GSK3B: variants seen among roughly 807,000 people sequenced by gnomAD.
GSK3B encodes glycogen synthase kinase 3 beta.
GSK3B carries 15 observed loss-of-function variants against 56.4 expected under a neutral mutation model. The observed-to-expected ratio is 0.27, with a 90% CI of 0.18 to 0.41. The LOEUF is 0.41. Ranked by LOEUF, GSK3B falls within the 10% of genes least tolerant of loss-of-function variation. The probability of loss-of-function intolerance (pLI) is 1.00; values close to 1 mark genes in which losing one functional copy is unlikely to be tolerated. For missense variants in GSK3B, 300 were observed against 513.4 expected (o/e 0.58, Z 4.02); for synonymous variants, 181 against 188.9 (o/e 0.96, Z 0.34).
intron 2 of GSK3B, among the ~76,000 whole-genome samples, chr3:119,961,925 A>ATT: frequency 6.6e-6 from 1 of 152,360 alleles, no homozygotes; most frequent in South Asian, 2.1e-4. Context: ...GCAGGCCAAC[A>ATT]TAGGTGTTCT....
Position 119,825,346 on chromosome 3 carries a change from T to A in GSK3B, c.*1442A>T, listed in dbSNP as rs1207461706. The A allele has an allele frequency of 4.3e-6, 1 of 230,442 alleles. No individual in the cohort carries two copies. Among genetic ancestry groups the A allele is most frequent in the African/African-American group, 2.2e-5 (1 of 45,196 alleles). 14.3% of individuals were successfully genotyped at this position (230,442 alleles called of 1,614,324 possible). ...TTGCTTTCCAAGGAATATTGCTTTT[T>A]CTTCAAAAAGAGAGACTGATTCTTA... On this transcript the variant is annotated 3_prime_UTR_variant, in exon 11 of 11. Transcript: ENST00000264235.
intron 1 of GSK3B, among the ~76,000 whole-genome samples, chr3:120,042,091 C>T (rs938658929): frequency 3.3e-5 from 5 of 152,138 alleles, no homozygotes; most frequent in African/African-American, 1.2e-4. Context: ...CAGAGAAAAT[C>T]GCTATTGTCT....
At chr3:120,020,463 C>T (rs904517493) in intron 1 of GSK3B, among the ~76,000 whole-genome samples, 7 of 152,126 alleles carry the variant, frequency 4.6e-5, no homozygotes, top group Non-Finnish European at 1.0e-4. Context: ...GTCTCTGTGT[C>T]ACATTTTGGT....
rs550231765 is a variant in GSK3B at position 119,971,906 on chromosome 3, C to T, written c.283-24555G>A. Among the ~76,000 whole-genome samples the T allele has an allele frequency of 6.6e-5, 10 of 152,110 alleles. No individual in the cohort carries two copies. The South Asian group carries it at 8.3e-4, about 13-fold the overall frequency. The stretch of plus-strand genomic sequence containing the variant: ...GATTACAGGCGTGAGCCACCGCGCC[C>T]GGCCTGCAATAAAATTTTTATAAGG... On this transcript the variant is annotated intron_variant, in intron 2 of 10. Transcript: ENST00000264235.
In GSK3B at chr3:119,826,337, T is replaced by A. The variant is rs1190843140; in HGVS notation, c.*451A>T. The A allele has an allele frequency of 9.0e-6, 3 of 332,346 alleles. No homozygotes were observed. The highest frequency in any genetic ancestry group is 1.7e-5 in the Non-Finnish European group (3 of 177,884). 20.6% of individuals were successfully genotyped at this position (332,346 alleles called of 1,614,324 possible). On this transcript the variant is annotated 3_prime_UTR_variant, in exon 11 of 11. Coordinates refer to ENST00000264235, the MANE Select transcript of GSK3B (RefSeq NM_001146156.2). ...TTATACCTGCTAAGCTCCCAACCAA[T>A]TTCAAGCTGTGCACTATACCAAAGT... is the stretch of plus-strand genomic sequence containing the variant.
At chr3:120,037,472 T>G (rs1476002965) in intron 1 of GSK3B, among the ~76,000 whole-genome samples, 1 of 152,112 alleles carries the variant, frequency 6.6e-6, no homozygotes, top group Non-Finnish European at 1.5e-5. Context: ...ATTGGAGAGA[T>G]AACTCAAAAT....
intron 10 of GSK3B, among the ~76,000 whole-genome samples, chr3:119,835,518 C>T (rs2055677056): frequency 6.6e-6 from 1 of 151,978 alleles, no homozygotes; most frequent in South Asian, 2.1e-4. Flanking sequence ...TAGCCTAAGC[C>T]CATTTTTTAA....
intron 1 of GSK3B, among the ~76,000 whole-genome samples, chr3:120,044,212 G>C (rs1435225349): frequency 6.6e-6 from 1 of 152,160 alleles, no homozygotes; most frequent in Non-Finnish European, 1.5e-5. Context: ...CAGCCCCCAA[G>C]GGCCATCCAG....
At position 119,823,925 on chromosome 3, in the gene GSK3B, A is replaced by C. The variant is rs570898588; in HGVS notation, c.*2863T>G. 5.2e-4 allele frequency: 103 copies of C among 197,338 alleles called. 1 individual carries two copies. In the South Asian group the frequency reaches 0.02, roughly 38 times the overall value. 12.2% of individuals were successfully genotyped at this position (197,338 alleles called of 1,614,324 possible). A position where few individuals can be genotyped will look rare whatever the true frequency, so the allele number is the denominator to read the frequency against. ...AATTTAAAAAAGAACAAATTAAAAA[A>C]AAAAACACATGGAAGCGAAGGCACT... On this transcript the variant is annotated 3_prime_UTR_variant, in exon 11 of 11. Coordinates refer to ENST00000264235, the MANE Select transcript of GSK3B (RefSeq NM_001146156.2).
chr3:119,866,467 G>C, intron 8 of GSK3B: 1 of 740,308 alleles, frequency 1.4e-6, no homozygotes, highest in South Asian at 1.6e-5. Context: ...AGAAATCACA[G>C]CTACTTACAT....
chr3:119,855,398 A>AACCATTG (rs1169567599), intron 9 of GSK3B, among the ~76,000 whole-genome samples: 8 of 152,214 alleles, frequency 5.3e-5, no homozygotes, highest in Non-Finnish European at 1.0e-4. Context: ...AAACTAGTTC[A>AACCATTG]ACCATTGTGG....
At chr3:120,076,581 C>T (rs900269327) in intron 1 of GSK3B, among the ~76,000 whole-genome samples, 11 of 151,768 alleles carry the variant, frequency 7.2e-5, no homozygotes, top group Admixed American at 2.0e-4. Context: ...TTTGGGAGGC[C>T]GAGACGGGCG....
intron 7 of GSK3B, among the ~76,000 whole-genome samples, chr3:119,887,566 T>G (rs76096070): frequency 0.026 from 3,947 of 151,902 alleles, 176 homozygotes; most frequent in African/African-American, 0.089. Context: ...ATCACTGAAT[T>G]AAAAAAATAG....
At chr3:119,875,106 G>A (rs1408605638) in intron 8 of GSK3B, among the ~76,000 whole-genome samples, 4 of 152,108 alleles carry the variant, frequency 2.6e-5, no homozygotes, top group African/African-American at 7.2e-5. Context: ...AGGGAGGCAA[G>A]ATCGTGGTCT....
intron 3 of GSK3B, among the ~76,000 whole-genome samples, chr3:119,936,063 TAGA>T (rs2056990598): frequency 6.6e-6 from 1 of 151,874 alleles, no homozygotes; most frequent in Admixed American, 6.6e-5. Context: ...AAGCTGGAAA[TAGA>T]AGAGAACTTC....
chr3:120,094,383 C>T lies in GSK3B; in HGVS notation c.-949G>A. On this transcript the variant is annotated 5_prime_UTR_variant, in exon 1 of 11. Coordinates refer to ENST00000264235, the MANE Select transcript of GSK3B (RefSeq NM_001146156.2). ...TCCTTCCTTCCTTTGTCACTTGGCC[C>T]GGGCGGCGGCGGCGGCGGCGGCGGC... 3 of 305,494 alleles carry T rather than the reference C, an allele frequency of 9.8e-6. No individual in the cohort carries two copies. Among genetic ancestry groups the T allele is most frequent in the South Asian group, 4.4e-5 (1 of 22,564 alleles). 18.9% of individuals were successfully genotyped at this position (305,494 alleles called of 1,614,324 possible).
At chr3:119,887,691 G>GGT (rs2056454120) in intron 7 of GSK3B, among the ~76,000 whole-genome samples, 1 of 151,954 alleles carries the variant, frequency 6.6e-6, no homozygotes, top group African/African-American at 2.4e-5. Context: ...AAAACTATTT[G>GGT]AAGAAACATT....
chr3:119,863,129 A>G (rs1370037626), intron 9 of GSK3B, among the ~76,000 whole-genome samples: 1 of 152,212 alleles, frequency 6.6e-6, no homozygotes, highest in African/African-American at 2.4e-5. Context: ...CATTTGTCCA[A>G]TTAGTGATAA....
chr3:119,838,156 G>A (rs2055720265), intron 10 of GSK3B, among the ~76,000 whole-genome samples: 1 of 151,726 alleles, frequency 6.6e-6, no homozygotes, highest in East Asian at 1.9e-4. Context: ...GGGTATGGTA[G>A]TGCGCGCCTG....
Sources: allele counts gnomAD v4.1 joint callset (sites outside exome capture counted in the v4.1 genomes callset), GRCh38; gene constraint gnomAD v4.1.1; transcripts MANE v1.5; gene names NCBI Gene and HGNC (gene_info 2026-07-23, HGNC 2026-07-21).